The following COPA variants were observed in gnomAD, a reference collection of about 807,000 sequenced individuals.
COPA encodes the protein coatomer subunit alpha.
COPA carries 10 observed loss-of-function variants against 158.7 expected under a neutral mutation model. The ratio of observed to expected loss-of-function variants is 0.06; its 90% CI spans 0.04 to 0.11. COPA has a LOEUF of 0.11. COPA is among the 10% of genes least tolerant of loss of function. COPA has a pLI of 1.00. For missense variants in COPA, 1,065 were observed against 1,536.7 expected, an observed-to-expected ratio of 0.69 and a Z score of 5.13; for synonymous variants, 462 against 542.8, an observed-to-expected ratio of 0.85 and a Z score of 2.07.
At chr1:160,334,176 T>C (rs1354419990) in intron 4 of COPA, among the ~76,000 whole-genome samples, 1 of 152,200 alleles carries the variant, frequency 6.6e-6, no homozygotes, top group Non-Finnish European at 1.5e-5. Context: ...TATAAGATTG[T>C]TGAGAAAAGG....
intron 19 of COPA, among the ~76,000 whole-genome samples, 163 bp from the exon 20 acceptor site, chr1:160,297,908 G>A (rs987610379): frequency 8.5e-5 from 13 of 152,058 alleles, no homozygotes; most frequent in African/African-American, 1.4e-4. Context: ...GGCTGGGTGC[G>A]GTGGCTCACA....
chr1:160,295,218 G>A (rs1030108695), intron 23 of COPA, among the ~76,000 whole-genome samples: 7 of 152,174 alleles, frequency 4.6e-5, no homozygotes, highest in African/African-American at 7.2e-5. Flanking sequence ...GGTAGATAGA[G>A]GAGGTGGAGA....
chr1:160,323,324 T>TA, intron 8 of COPA, 107 bp downstream of exon 8: 1 of 637,840 alleles, frequency 1.6e-6, no homozygotes, highest in Non-Finnish European at 2.5e-6. Flanking sequence ...TAGCATTAAT[T>TA]AATCACCTAA....
chr1:160,299,205 T>C lies in COPA; in HGVS notation c.1727A>G (p.Asn576Ser). The change falls in exon 18 of 33, where the codon AAC becomes AGC. Residue 576 changes from asparagine (N) to serine (S), a missense_variant. Coordinates refer to ENST00000241704, the MANE Select transcript of COPA (RefSeq NM_004371.4). ...LPIYVTRVKG[N>S]NVYCLDRECR... ...CTCCCTGTCTAGGCAGTATACATTG[T>C]TGCCCTTCACCCGTGTGACATAGAT... is the stretch of plus-strand genomic sequence containing the variant. The C allele has an allele frequency of 3.1e-6, 5 of 1,614,202 alleles. No homozygotes were observed. The highest frequency in any genetic ancestry group is 4.2e-6 in the Non-Finnish European group (5 of 1,180,032).
intron 1 of COPA, among the ~76,000 whole-genome samples, 154 bp from the exon 2 acceptor site, chr1:160,340,448 T>C (rs1647985174): frequency 6.6e-6 from 1 of 152,218 alleles, no homozygotes; most frequent in Non-Finnish European, 1.5e-5. Flanking sequence ...ACATCGTGAA[T>C]TTTATGTTTG....
chr1:160,316,630 A>C (rs537980464), intron 8 of COPA, among the ~76,000 whole-genome samples: 152 of 151,394 alleles, frequency 1.0e-3, no homozygotes, highest in Non-Finnish European at 1.8e-3. Context: ...CATGCCTATA[A>C]TCCCAGCTAC....
At chr1:160,311,808 G>T in intron 11 of COPA, 60 bp downstream of exon 11, 1 of 1,408,508 alleles carries the variant, frequency 7.1e-7, no homozygotes, top group African/African-American at 1.4e-5. Flanking sequence ...TCTTGTTTGT[G>T]GGAGTTGTAT....
intron 8 of COPA, among the ~76,000 whole-genome samples, chr1:160,316,800 G>A (rs1406831507): frequency 1.3e-5 from 2 of 151,006 alleles, no homozygotes; most frequent in African/African-American, 4.9e-5. Context: ...CTAAGCAAGA[G>A]CAAGCGTAGA....
rs1284877622 is a variant in COPA, at chr1:160,297,583, C to T, written c.2140G>A (p.Glu714Lys). ...ATCTTCATCATCTTGCGAAGTTTTT[C>T]TAAGTTGCCAGTGATAAGATACAGG... ...SFLYLITGNLEKLRKMMKIAE... is the reference protein window; with the variant it reads ...SFLYLITGNLKKLRKMMKIAE... The change falls in exon 20 of 33, where the codon GAA (glutamate) becomes AAA (lysine). Residue 714 changes from glutamate to lysine, a missense_variant. Glu to Lys is a moderately conservative substitution (Grantham distance 56). Around this residue, in one of 2 missense-constraint regions of COPA, gnomAD observed 980 missense variants for 1,357.8 expected, o/e 0.72. Coordinates refer to ENST00000241704, the MANE Select transcript of COPA (RefSeq NM_004371.4). 2 of 1,613,970 alleles carry T rather than the reference C, an allele frequency of 1.2e-6. No individual in the cohort carries two copies. Among genetic ancestry groups the T allele is most frequent in the African/African-American group, 1.3e-5 (1 of 74,914 alleles).
At chr1:160,340,526 T>G (rs185271561) in intron 1 of COPA, among the ~76,000 whole-genome samples, 1 of 152,228 alleles carries the variant, frequency 6.6e-6, no homozygotes, top group Admixed American at 6.5e-5. Flanking sequence ...TTAAGTTACT[T>G]GGAATCAGTT....
chr1:160,297,713 G>T lies in COPA; in HGVS notation c.2010C>A (p.Asp670Glu), dbSNP rs1380121466. 1.2e-6 allele frequency: 2 copies of T among 1,614,104 alleles called. No individual in the cohort carries two copies. Among genetic ancestry groups the T allele is most frequent in the Admixed American group, 1.7e-5 (1 of 60,016 alleles). The change falls in exon 20 of 33, where the codon GAC becomes GAA. Residue 670 changes from aspartate to glutamate, a missense_variant. Transcript: ENST00000241704. ...IALEAAKALD[D>E]KNCWEKLGEV... Reference sequence around the variant, plus strand: ...CTCCCAGCTTTTCCCAGCAGTTCTTGTCATCCAGTGCTTTGGCTGCTTCCA... The same window carrying T: ...CTCCCAGCTTTTCCCAGCAGTTCTTTTCATCCAGTGCTTTGGCTGCTTCCA...
At chr1:160,314,244 C>G in intron 8 of COPA, 119 bp from the exon 9 acceptor site, 1 of 1,043,844 alleles carries the variant, frequency 9.6e-7, no homozygotes, top group Non-Finnish European at 1.3e-6. Context: ...AAATTGCCAA[C>G]TTCTTTCTAA....
chr1:160,320,602 C>T (rs1472622194), intron 8 of COPA, among the ~76,000 whole-genome samples: 12 of 59,622 alleles, frequency 2.0e-4, no homozygotes, highest in South Asian at 1.4e-3. Context: ...CAGCGAGACT[C>T]CAACTCAAAA....
chr1:160,314,506 T>C (rs999569487), intron 8 of COPA, among the ~76,000 whole-genome samples: 7 of 152,080 alleles, frequency 4.6e-5, no homozygotes, highest in Admixed American at 4.6e-4. Flanking sequence ...TGGCGCACGT[T>C]TGTAGTCCCA....
At chr1:160,328,477 T>C (rs879719915) in intron 6 of COPA, among the ~76,000 whole-genome samples, 4 of 152,094 alleles carry the variant, frequency 2.6e-5, no homozygotes, top group Non-Finnish European at 5.9e-5. Context: ...GAACGACAGA[T>C]GGAAAATTTC....
intron 14 of COPA, 120 bp from the exon 15 acceptor site, chr1:160,306,613 T>C: frequency 7.9e-7 from 1 of 1,261,362 alleles, no homozygotes; most frequent in Non-Finnish European, 1.1e-6. Flanking sequence ...TTTTGTCCTG[T>C]CCATGTCAAT....
intron 14 of COPA, 105 bp downstream of exon 14, chr1:160,307,058 G>T: frequency 1.8e-6 from 2 of 1,118,718 alleles, no homozygotes; most frequent in Admixed American, 1.7e-5. Flanking sequence ...TGAGAATCAC[G>T]GCTGCCCGGG....
At chr1:160,317,287 C>A (rs1659180354) in intron 8 of COPA, 1 of 895,920 alleles carries the variant, frequency 1.1e-6, no homozygotes, top group Admixed American at 2.0e-5. Flanking sequence ...GAAGTTACTG[C>A]AGCTGCGGTG....
At chr1:160,343,085 G>GCT in intron 1 of COPA, 46 bp downstream of exon 1, 1 of 1,612,082 alleles carries the variant, frequency 6.2e-7, no homozygotes. Flanking sequence ...TGTCAGCGCC[G>GCT]CTCCTGACAT....
Sources: allele counts gnomAD v4.1 joint callset (sites outside exome capture counted in the v4.1 genomes callset), GRCh38; gene constraint gnomAD v4.1.1; regional missense constraint gnomAD v4.1.1; transcripts MANE v1.5; gene names NCBI Gene and HGNC (gene_info 2026-07-23, HGNC 2026-07-21).